Variants in VHL observed in about 807,000 individuals in gnomAD.
VHL encodes von Hippel-Lindau tumor suppressor, also known as von Hippel-Lindau disease tumor suppressor.
A neutral mutation model predicts 19.2 loss-of-function variants in VHL; 10 were observed. That is an observed-to-expected ratio of 0.52 (90% CI 0.32 to 0.89). The LOEUF is 0.89. Among genes scored for constraint, VHL ranks in the 40% least tolerant of loss-of-function variants. The pLI is 0.03. For missense variants in VHL, 328 were observed against 292.7 expected (o/e 1.12, Z -0.88); for synonymous variants, 167 against 129.5 (o/e 1.29, Z -1.97).
intron 2 of VHL, among the ~76,000 whole-genome samples, chr3:10,147,364 T>TG: frequency 2.7e-5 from 1 of 37,300 alleles, no homozygotes. Flanking sequence ...GAGGTGTTTT[T>TG]TTTTTTTTTA....
chr3:10,143,053 C>A (rs536631685), intron 1 of VHL: 1 of 152,210 alleles, frequency 6.6e-6, no homozygotes, highest in Admixed American at 6.5e-5. Context: ...TGCGTTGAGA[C>A]CTGGAGTCTT....
At position 10,146,595 on chromosome 3, in the gene VHL, A is replaced by G. The variant is rs1064796570; in HGVS notation, c.422A>G (p.Asn141Ser). 5 of 1,613,894 alleles carry G rather than the reference A, an allele frequency of 3.1e-6. No individual in the cohort carries two copies. Among genetic ancestry groups the G allele is most frequent in the South Asian group, 2.2e-5 (2 of 91,088 alleles). The change falls in exon 2 of 3, where the codon AAT becomes AGT. Residue 141 changes from asparagine (N) to serine (S), a missense_variant. Asn to Ser is a conservative substitution (Grantham distance 46, BLOSUM62 1). Coordinates refer to ENST00000256474, the MANE Select transcript of VHL (RefSeq NM_000551.4). The stretch of plus-strand genomic sequence containing the variant: ...ACTGAATTATTTGTGCCATCTCTCA[A>G]TGTTGACGGACAGCCTATTTTTGCC... ...NQTELFVPSL[N>S]VDGQPIFANI...
chr3:10,147,021 T>A (rs1696276476), intron 2 of VHL, among the ~76,000 whole-genome samples: 1 of 152,202 alleles, frequency 6.6e-6, no homozygotes, highest in African/African-American at 2.4e-5. Context: ...TAATTTTTTT[T>A]ATTTTTTTGA....
rs973493604 is a variant in VHL, at chr3:10,141,883, G to C, written c.36G>C (p.Glu12Asp). 8 of 1,533,750 alleles carry C rather than the reference G, an allele frequency of 5.2e-6. No homozygotes were observed. Among genetic ancestry groups the C allele is most frequent in the Non-Finnish European group, 7.0e-6 (8 of 1,137,992 alleles). Residue 12 changes from glutamate (E) to aspartate (D), a missense_variant, in exon 1 of 3, where the codon GAG becomes GAC. Coordinates refer to ENST00000256474, the MANE Select transcript of VHL (RefSeq NM_000551.4). ...GGGCGGAGAACTGGGACGAGGCCGA[G>C]GTAGGCGCGGAGGAGGCAGGCGTCG... ...PRRAENWDEAEVGAEEAGVEE... is the reference protein window; with the variant it reads ...PRRAENWDEADVGAEEAGVEE...
chr3:10,144,496 CTTTT>C (rs34512214), intron 1 of VHL, among the ~76,000 whole-genome samples: 2 of 116,658 alleles, frequency 1.7e-5, no homozygotes, highest in Non-Finnish European at 1.7e-5. Context: ...TCTATCTTGT[CTTTT>C]TTTTTTTTTT....
At position 10,146,509 on chromosome 3, in the gene VHL, G is replaced by A. The variant is rs372340900; in HGVS notation, c.341-5G>A. ...CTCTTTAACAACCTTTGCTTGTCCC[G>A]ATAGGTCACCTTTGGCTCTTCAGAG... On this transcript the variant is annotated splice_polypyrimidine_tract_variant and splice_region_variant and intron_variant, in intron 1 of 2. Transcript: ENST00000256474. 59 of 1,613,334 alleles carry A rather than the reference G, an allele frequency of 3.7e-5. No homozygotes were observed. Among genetic ancestry groups the A allele is most frequent in the South Asian group, 1.6e-4 (15 of 91,070 alleles).
chr3:10,145,277 A>G (rs1206295078), intron 1 of VHL, among the ~76,000 whole-genome samples: 2 of 152,192 alleles, frequency 1.3e-5, no homozygotes, highest in Non-Finnish European at 2.9e-5. Context: ...AAAATTTCCC[A>G]TCAAATCTGT....
intron 2 of VHL, 113 bp downstream of exon 2, chr3:10,146,749 C>T (rs1246293283): frequency 7.7e-7 from 1 of 1,298,452 alleles, no homozygotes; most frequent in East Asian, 2.3e-5. Flanking sequence ...GCACGTTATC[C>T]AATCTTTTTG....
At chr3:10,145,687 CAG>C (rs1163873310) in intron 1 of VHL, among the ~76,000 whole-genome samples, 1 of 127,384 alleles carries the variant, frequency 7.9e-6, no homozygotes, top group Non-Finnish European at 1.6e-5. Flanking sequence ...GCCTGGGCGA[CAG>C]AGCAAGACTG....
At chr3:10,147,156 C>T (rs1244014940) in intron 2 of VHL, among the ~76,000 whole-genome samples, 1 of 151,694 alleles carries the variant, frequency 6.6e-6, no homozygotes, top group Non-Finnish European at 1.5e-5. Flanking sequence ...GGACTACAGG[C>T]GTGTGCCACC....
rs1260006587 is a variant in VHL, at chr3:10,153,105, G to A, written c.*3140G>A. ...TCCTGGCTAACACGGGTGAAACCCC[G>A]TCTCTATTAAAAAATAGAAAAAATT... On this transcript the variant is annotated 3_prime_UTR_variant, in exon 3 of 3. Coordinates refer to ENST00000256474, the MANE Select transcript of VHL (RefSeq NM_000551.4). 7.2e-5 allele frequency among the ~76,000 whole-genome samples: 11 copies of A among 152,048 alleles called. No individual in the cohort carries two copies. Among genetic ancestry groups the A allele is most frequent in the Admixed American group, 6.6e-5 (1 of 15,250 alleles).
At chr3:10,148,593 C>T (rs534116895) in intron 2 of VHL, among the ~76,000 whole-genome samples, 1 of 151,814 alleles carries the variant, frequency 6.6e-6, no homozygotes, top group Non-Finnish European at 1.5e-5. Flanking sequence ...GGATTACAGG[C>T]GTGAGCCACC....
chr3:10,149,650 A>T (rs1332031922), intron 2 of VHL, 137 bp from the exon 3 acceptor site: 1 of 754,800 alleles, frequency 1.3e-6, no homozygotes, highest in African/African-American at 1.7e-5. Flanking sequence ...ACACTGCCAC[A>T]TACATGCACT....
At chr3:10,145,453 C>A (rs1285059074) in intron 1 of VHL, among the ~76,000 whole-genome samples, 3 of 152,026 alleles carry the variant, frequency 2.0e-5, no homozygotes, top group Non-Finnish European at 4.4e-5. Context: ...CTCCTGTAAT[C>A]CCAGCACTTT....
rs35732631 is a variant in VHL at position 10,145,705 on chromosome 3, C to CAA, written c.341-796_341-795dup. Among the ~76,000 whole-genome samples, 745 of 133,466 alleles carry CAA rather than the reference C, an allele frequency of 5.6e-3. 7 individuals are homozygous for CAA. Among genetic ancestry groups the CAA allele is most frequent in the African/African-American group, 0.017 (596 of 35,474 alleles). 87.6% of individuals were successfully genotyped at this position (133,466 alleles called of 152,430 possible). The stretch of plus-strand genomic sequence containing the variant: ...TGGGCGACAGAGCAAGACTGCATCT[C>CAA]AAAAAAAAAAAAAAGAAAAAGAAAA... On this transcript the variant is annotated intron_variant, in intron 1 of 2. Coordinates refer to ENST00000256474, the MANE Select transcript of VHL (RefSeq NM_000551.4).
In VHL at chr3:10,150,140, AG is replaced by A; in HGVS notation, c.*179del. ...GACTTCACTAGGCATTGTGATGTTT[AG>A]GGGCAAACATCACAAAATGTAATTT... is the stretch of plus-strand genomic sequence containing the variant. On this transcript the variant is annotated 3_prime_UTR_variant, in exon 3 of 3. Coordinates refer to ENST00000256474, the MANE Select transcript of VHL (RefSeq NM_000551.4). 1 of 1,480,402 alleles carries A rather than the reference AG, an allele frequency of 6.8e-7. No homozygotes were observed. The highest frequency in any genetic ancestry group is 9.0e-7 in the Non-Finnish European group (1 of 1,117,232). 91.7% of individuals were successfully genotyped at this position (1,480,402 alleles called of 1,614,324 possible).
At position 10,149,875 on chromosome 3, in the gene VHL, C is replaced by G. The variant is rs779157605; in HGVS notation, c.552C>G (p.Leu184=). The G allele has an allele frequency of 1.9e-6, 3 of 1,614,144 alleles. No individual in the cohort carries two copies. The highest frequency in any genetic ancestry group is 2.5e-6 in the Non-Finnish European group (3 of 1,180,040). Residue 184 remains leucine (L), a synonymous_variant, in exon 3 of 3, where the codon CTC becomes CTG. Coordinates refer to ENST00000256474, the MANE Select transcript of VHL (RefSeq NM_000551.4). ...NYRRLDIVRS[L]YEDLEDHPNV... is the part of the protein sequence containing the mutation. ...GGAGACTGGACATCGTCAGGTCGCT[C>G]TACGAAGATCTGGAAGACCACCCAA...
In VHL at chr3:10,152,064, A is replaced by T; in HGVS notation, c.*2099A>T. ...GGACAGAGCAAGACCCTGCCTCAAA[A>T]AAAAAAAAAAAAAAAAAATCAGGCC... is the stretch of plus-strand genomic sequence containing the variant. On this transcript the variant is annotated 3_prime_UTR_variant, in exon 3 of 3. Transcript: ENST00000256474. 1 of 124,368 alleles carries T rather than the reference A, an allele frequency of 8.0e-6. No homozygotes were observed. The highest frequency in any genetic ancestry group is 1.6e-4 in the East Asian group (1 of 6,240). The allele number at this position is 124,368 out of a possible 1,614,324, so 7.7% of individuals were successfully genotyped here. A position where few individuals can be genotyped will look rare whatever the true frequency, so the allele number is the denominator to read the frequency against.
Position 10,149,836 on chromosome 3 carries a change from G to C in VHL, c.513G>C (p.Lys171Asn), listed in dbSNP as rs1365445365. 3.7e-6 allele frequency: 6 copies of C among 1,614,178 alleles called. No individual in the cohort carries two copies. Among genetic ancestry groups the C allele is most frequent in the Non-Finnish European group, 5.1e-6 (6 of 1,180,036 alleles). The change falls in exon 3 of 3, where the codon AAG becomes AAC. Residue 171 changes from lysine (K) to asparagine (N), a missense_variant. By Grantham distance (94) the Lys-to-Asn change is moderately conservative. Coordinates refer to ENST00000256474, the MANE Select transcript of VHL (RefSeq NM_000551.4). ...TCCAGGTTGTCCGGAGCCTAGTCAA[G>C]CCTGAGAATTACAGGAGACTGGACA... ...RCLQVVRSLV[K>N]PENYRRLDIV...
Sources: gnomAD v4.1 joint callset for allele counts (sites outside exome capture counted in the v4.1 genomes callset) on GRCh38, gnomAD v4.1.1 for gene constraint, MANE v1.5 for transcripts, NCBI Gene and HGNC (gene_info 2026-07-23, HGNC 2026-07-21) for gene names.